Variants in TRIM63 observed in about 807,000 individuals in gnomAD.
TRIM63 encodes E3 ubiquitin-protein ligase TRIM63.
TRIM63 carries 48 observed loss-of-function variants against 46.0 expected under a neutral mutation model. That is an observed-to-expected ratio of 1.04 (90% confidence interval 0.83 to 1.33). The LOEUF is 1.33. Among genes scored for constraint, TRIM63 ranks in the 40% most tolerant of loss-of-function variants. The probability of loss-of-function intolerance (pLI) is 0.00; values close to 1 mark genes in which losing one functional copy is unlikely to be tolerated. For synonymous variants in TRIM63, 175 were observed against 162.8 expected (o/e 1.08, Z -0.57); for missense variants, 455 against 441.2 (o/e 1.03, Z -0.28).
rs2050675641 is a variant in TRIM63, at chr1:26,066,250, G to A, written c.332+18C>T. On this transcript the variant is annotated intron_variant, in intron 2 of 8. Coordinates refer to ENST00000374272, the MANE Select transcript of TRIM63 (RefSeq NM_032588.4). ...GGCTGGGAAGGAGGGCGGGCCCCCAGCAGGCACGAGAACCGACCTGGAGCA... is the reference window on the plus strand; with the variant it reads ...GGCTGGGAAGGAGGGCGGGCCCCCAACAGGCACGAGAACCGACCTGGAGCA... 1 of 1,613,462 alleles carries A rather than the reference G, an allele frequency of 6.2e-7. No homozygotes were observed. The highest frequency in any genetic ancestry group is 1.3e-5 in the African/African-American group (1 of 74,918).
At chr1:26,065,720 A>G (rs564732217) in intron 2 of TRIM63, among the ~76,000 whole-genome samples, 22 of 152,338 alleles carry the variant, frequency 1.4e-4, no homozygotes, top group African/African-American at 5.3e-4. Flanking sequence ...TGACTGGGTC[A>G]ACTCCCAGCT....
Position 26,051,432 on chromosome 1 carries a change from C to T in TRIM63, c.*441G>A, listed in dbSNP as rs1046070182. The T allele has an allele frequency of 1.3e-5, 2 of 154,998 alleles. No homozygotes were observed. Among genetic ancestry groups the T allele is most frequent in the African/African-American group, 2.4e-5 (1 of 41,570 alleles). 9.6% of individuals were successfully genotyped at this position (154,998 alleles called of 1,614,324 possible). A position where few individuals can be genotyped will look rare whatever the true frequency, so the allele number is the denominator to read the frequency against. On this transcript the variant is annotated 3_prime_UTR_variant, in exon 9 of 9. Transcript: ENST00000374272. ...TCGTCCCTGTGAGTGCTACCCCATCCTCCTGCTCAGGAAAGGAAGTGGGCA... is the reference window on the plus strand; with the variant it reads ...TCGTCCCTGTGAGTGCTACCCCATCTTCCTGCTCAGGAAAGGAAGTGGGCA...
chr1:26,058,583 A>G lies in TRIM63; in HGVS notation c.638T>C (p.Phe213Ser). 6.2e-7 allele frequency: 1 copy of G among 1,614,166 alleles called. No homozygotes were observed. The highest frequency in any genetic ancestry group is 8.5e-7 in the Non-Finnish European group (1 of 1,180,026). The part of the protein sequence containing the change: ...HQVKEELSQK[F>S]DTLYAILDEK... ...ATCCAGGATGGCATACAACGTGTCA[A>G]ACTTCTGGCTCAGCTCTTCCTTTAC... Residue 213 changes from phenylalanine to serine, a missense_variant, in exon 5 of 9, where the codon TTT becomes TCT. Physicochemically the swap from Phe to Ser is radical, Grantham distance 155 (BLOSUM62 -2). Transcript: ENST00000374272.
chr1:26,061,029 G>T, intron 3 of TRIM63, 137 bp downstream of exon 3: 1 of 986,208 alleles, frequency 1.0e-6, no homozygotes, highest in Non-Finnish European at 1.5e-6. Context: ...CTGTCCCTGT[G>T]GCCTGGGAAG....
chr1:26,067,397 G>C lies in TRIM63; in HGVS notation c.98C>G (p.Pro33Arg). The change falls in exon 1 of 9, where the codon CCA (proline) becomes CGA (arginine). Residue 33 changes from proline (P) to arginine (R), a missense_variant. Transcript: ENST00000374272. ...CPICLEMFTK[P>R]VVILPCQHNL... Reference sequence around the variant, plus strand: ...GTGCTGGCACGGCAAGATGACCACTGGCTTGGTAAACATCTCCAGGCAGAT... The same window carrying C: ...GTGCTGGCACGGCAAGATGACCACTCGCTTGGTAAACATCTCCAGGCAGAT... 1 of 1,614,162 alleles carries C rather than the reference G, an allele frequency of 6.2e-7. No homozygotes were observed. The highest frequency in any genetic ancestry group is 8.5e-7 in the Non-Finnish European group (1 of 1,180,034).
Position 26,051,511 on chromosome 1 carries a change from C to T in TRIM63, c.*362G>A, listed in dbSNP as rs1135251. The T allele has an allele frequency of 0.59, 98,982 of 168,932 alleles. 32,210 individuals carry two copies. The highest frequency in any genetic ancestry group is 0.77 in the East Asian group (5,045 of 6,564). 10.5% of individuals were successfully genotyped at this position (168,932 alleles called of 1,614,324 possible). On this transcript the variant is annotated 3_prime_UTR_variant, in exon 9 of 9. Transcript: ENST00000374272. ...TTTCTGACAATCGCAGGTCACCCAA[C>T]GACCAGGCATTATTATACAAAAGTT...
Position 26,058,551 on chromosome 1 carries a change from TC to T in TRIM63, c.669del (p.Ser225ValfsTer53). 2 of 1,614,248 alleles carry T rather than the reference TC, an allele frequency of 1.2e-6. No homozygotes were observed. The highest frequency in any genetic ancestry group is 1.7e-6 in the Non-Finnish European group (2 of 1,180,042). ...FDTLYAILDE[K>X]KSELLQRITQ... ...GTGATCCGCTGCAGCAACTCACTTTTCTTCTCATCCAGGATGGCATACAACG... is the reference window on the plus strand; with the variant it reads ...GTGATCCGCTGCAGCAACTCACTTTTTTCTCATCCAGGATGGCATACAACG... On this transcript the variant is annotated frameshift_variant, in exon 5 of 9. Coordinates refer to ENST00000374272, the MANE Select transcript of TRIM63 (RefSeq NM_032588.4). LOFTEE classifies it high-confidence loss of function.
In TRIM63 at chr1:26,060,380, G is replaced by A. The variant is rs2050613007; in HGVS notation, c.502-19C>T. The A allele has an allele frequency of 6.2e-7, 1 of 1,602,478 alleles. No homozygotes were observed. Among genetic ancestry groups the A allele is most frequent in the Non-Finnish European group, 8.5e-7 (1 of 1,169,760 alleles). ...GTTCAGTCTAGATGGGGGTGTGGGGGTCAGGAGAGGAGAGACACAAATAGC... is the reference window on the plus strand; with the variant it reads ...GTTCAGTCTAGATGGGGGTGTGGGGATCAGGAGAGGAGAGACACAAATAGC... On this transcript the variant is annotated intron_variant, in intron 3 of 8. Transcript: ENST00000374272.
intron 1 of TRIM63, among the ~76,000 whole-genome samples, chr1:26,067,043 G>A (rs896006593): frequency 2.6e-5 from 4 of 151,956 alleles, no homozygotes; most frequent in African/African-American, 9.7e-5. Context: ...TGCCTACCCC[G>A]CTTATCACTT....
intron 7 of TRIM63, 139 bp from the exon 8 acceptor site, chr1:26,054,103 G>A: frequency 1.7e-6 from 1 of 578,214 alleles, no homozygotes; most frequent in East Asian, 3.2e-5. Context: ...CGGCGGCAGT[G>A]GTCTGGGAGG....
intron 7 of TRIM63, among the ~76,000 whole-genome samples, chr1:26,056,032 G>A (rs926032350): frequency 6.6e-5 from 10 of 152,090 alleles, no homozygotes; most frequent in African/African-American, 2.4e-4. Flanking sequence ...TCTTTCTCAC[G>A]CCAGCCATTT....
rs1485756193 is a variant in TRIM63, at chr1:26,057,521, T to C, written c.854+107A>G. The stretch of plus-strand genomic sequence containing the variant: ...ATGCAAAGGGTCAGGGAAGCCAGCC[T>C]AGAGTGAGACCCTCCCAGCAGGCCT... On this transcript the variant is annotated intron_variant, in intron 6 of 8. Coordinates refer to ENST00000374272, the MANE Select transcript of TRIM63 (RefSeq NM_032588.4). 10 of 1,439,430 alleles carry C rather than the reference T, an allele frequency of 6.9e-6. No individual in the cohort carries two copies. In the African/African-American group the frequency reaches 1.3e-4, roughly 18 times the overall value. The allele number at this position is 1,439,430 out of a possible 1,614,324, so 89.2% of individuals were successfully genotyped here.
rs1166552657 is a variant in TRIM63, at chr1:26,056,620, T to C, written c.979+583A>G. Among the ~76,000 whole-genome samples the C allele has an allele frequency of 2.0e-5, 3 of 152,302 alleles. No homozygotes were observed. The East Asian group carries it at 5.8e-4, about 29-fold the overall frequency. On this transcript the variant is annotated intron_variant, in intron 7 of 8. Coordinates refer to ENST00000374272, the MANE Select transcript of TRIM63 (RefSeq NM_032588.4). Reference sequence around the variant, plus strand: ...GAACCAGGATTTAAACTCAGGACTGTCTGATTCCAGAGGGCATATTATTTC... The same window carrying C: ...GAACCAGGATTTAAACTCAGGACTGCCTGATTCCAGAGGGCATATTATTTC...
intron 8 of TRIM63, among the ~76,000 whole-genome samples, chr1:26,053,558 T>C (rs74771086): frequency 0.043 from 6,521 of 152,280 alleles, 495 homozygotes; most frequent in African/African-American, 0.15. Flanking sequence ...TTTGTTTTAA[T>C]TTAAACACAG....
intron 4 of TRIM63, among the ~76,000 whole-genome samples, chr1:26,059,458 A>C (rs926520680): frequency 6.6e-6 from 1 of 152,120 alleles, no homozygotes; most frequent in East Asian, 1.9e-4. Flanking sequence ...GAAGCTCTGC[A>C]TCATTTGGTC....
Position 26,058,438 on chromosome 1 carries a change from T to C in TRIM63, c.783A>G (p.Glu261=), listed in dbSNP as rs2124438627. The change falls in exon 5 of 9, where the codon GAA becomes GAG. Residue 261 remains glutamate, a synonymous_variant. Transcript: ENST00000374272. Reference sequence around the variant, plus strand: ...GCTCGTCCAGGGACTGGATGGCAGTTTCCACCAGCTTTGTGGACTTGTCCA... The same window carrying C: ...GCTCGTCCAGGGACTGGATGGCAGTCTCCACCAGCTTTGTGGACTTGTCCA... ...EQLDKSTKLV[E]TAIQSLDEPG... 1 of 1,614,180 alleles carries C rather than the reference T, an allele frequency of 6.2e-7. No individual in the cohort carries two copies.
At chr1:26,060,443 C>T in intron 3 of TRIM63, 82 bp from the exon 4 acceptor site, 3 of 1,023,222 alleles carry the variant, frequency 2.9e-6, no homozygotes, top group Non-Finnish European at 4.6e-6. Context: ...AGCAACATGG[C>T]TTCCTCCCTC....
At chr1:26,054,511 G>A (rs1006106046) in intron 7 of TRIM63, among the ~76,000 whole-genome samples, 6 of 151,866 alleles carry the variant, frequency 4.0e-5, no homozygotes, top group African/African-American at 1.2e-4. Context: ...GAGCACCAGA[G>A]GGACAGTGAC....
chr1:26,057,407 G>C, intron 6 of TRIM63, 80 bp from the exon 7 acceptor site: 1 of 1,553,840 alleles, frequency 6.4e-7, no homozygotes, highest in African/African-American at 1.4e-5. Context: ...GCTTTGCCAC[G>C]CCCAGGCCTT....
Sources: allele counts gnomAD v4.1 joint callset (sites outside exome capture counted in the v4.1 genomes callset), GRCh38; gene constraint gnomAD v4.1.1; transcripts MANE v1.5; gene names NCBI Gene and HGNC (gene_info 2026-07-23, HGNC 2026-07-21).